The following TERF2 variants were observed in gnomAD, a reference collection of about 807,000 sequenced individuals.
TERF2 encodes the protein telomeric repeat-binding factor 2.
In TERF2, 16 loss-of-function variants were observed where a neutral mutation model predicts 56.1. That is an observed-to-expected ratio of 0.29 (90% confidence interval 0.19 to 0.43). The LOEUF is 0.43. Ranked by LOEUF, TERF2 falls within the 20% of genes least tolerant of loss-of-function variation. The pLI is 1.00. For synonymous variants in TERF2, 296 were observed against 282.1 expected (o/e 1.05, Z -0.50); for missense variants, 547 against 712.9 (o/e 0.77, Z 2.65).
At chr16:69,359,513 G>A (rs1301120853) in intron 8 of TERF2, among the ~76,000 whole-genome samples, 2 of 139,872 alleles carry the variant, frequency 1.4e-5, no homozygotes, top group Non-Finnish European at 3.1e-5. Context: ...GGGCAACAGA[G>A]CGAGACTCTG....
At chr16:69,383,877 C>T (rs576925639) in intron 3 of TERF2, among the ~76,000 whole-genome samples, 1 of 152,122 alleles carries the variant, frequency 6.6e-6, no homozygotes, top group Admixed American at 6.6e-5. Context: ...GCATCTGCTT[C>T]CACACCCCCC....
intron 3 of TERF2, 71 bp downstream of exon 3, chr16:69,384,509 G>A: frequency 2.0e-6 from 3 of 1,528,234 alleles, no homozygotes; most frequent in Non-Finnish European, 2.6e-6. Flanking sequence ...ACACAGTAAA[G>A]AGTAAGTGCT....
chr16:69,374,370 C>A (rs1013735109), intron 3 of TERF2, among the ~76,000 whole-genome samples: 1 of 152,036 alleles, frequency 6.6e-6, no homozygotes, highest in African/African-American at 2.4e-5. Flanking sequence ...TGGCTCATAA[C>A]TGTAATCCCA....
chr16:69,378,943 T>C (rs1416503531), intron 3 of TERF2, among the ~76,000 whole-genome samples: 4 of 143,020 alleles, frequency 2.8e-5, no homozygotes, highest in Admixed American at 2.7e-4. Flanking sequence ...TATGTATTAA[T>C]TTCCTGTGGG....
At chr16:69,385,173 GAGA>G (rs1379478954) in intron 2 of TERF2, among the ~76,000 whole-genome samples, 1 of 151,926 alleles carries the variant, frequency 6.6e-6, no homozygotes. Flanking sequence ...TAACAGGTGG[GAGA>G]AGATTTAAAA....
At chr16:69,382,975 G>T (rs1317011600) in intron 3 of TERF2, among the ~76,000 whole-genome samples, 1 of 152,164 alleles carries the variant, frequency 6.6e-6, no homozygotes, top group African/African-American at 2.4e-5. Flanking sequence ...CAGAGTCAAC[G>T]TAAGAAAATG....
intron 7 of TERF2, among the ~76,000 whole-genome samples, chr16:69,362,423 G>A (rs1228684933): frequency 6.6e-6 from 1 of 152,094 alleles, no homozygotes; most frequent in Non-Finnish European, 1.5e-5. Context: ...CTCGAAGGCG[G>A]GGGCCACATC....
In TERF2 at chr16:69,372,776, C is replaced by G. The variant is rs965065474; in HGVS notation, c.607-421G>C. 2.0e-5 allele frequency among the ~76,000 whole-genome samples: 3 copies of G among 152,138 alleles called. No individual in the cohort carries two copies. In the East Asian group the frequency reaches 5.8e-4, roughly 29 times the overall value. ...AAAACTCCATCTCAAAAAAAACAAA[C>G]AAACAATTATTGTTCAAGTGTTATG... On this transcript the variant is annotated intron_variant, in intron 3 of 9. Coordinates refer to ENST00000254942, the MANE Select transcript of TERF2 (RefSeq NM_005652.5).
chr16:69,357,407 A>G (rs1195232707), intron 9 of TERF2, 111 bp downstream of exon 9: 22 of 881,980 alleles, frequency 2.5e-5, no homozygotes, highest in South Asian at 2.3e-4. Flanking sequence ...GAAAATCTCA[A>G]AAAAAGGTTT....
chr16:69,378,789 G>C lies in TERF2; in HGVS notation c.606+5791C>G, dbSNP rs139393313. Among the ~76,000 whole-genome samples, 4 of 152,278 alleles carry C rather than the reference G, an allele frequency of 2.6e-5. No individual in the cohort carries two copies. In the East Asian group the frequency reaches 7.7e-4, roughly 29 times the overall value. On this transcript the variant is annotated intron_variant, in intron 3 of 9. Coordinates refer to ENST00000254942, the MANE Select transcript of TERF2 (RefSeq NM_005652.5). ...CATTAAGAGGGAGAGACAGAAGAGA[G>C]TATGTTTACTCTATGTTCTCCAGAA...
chr16:69,363,473 G>A (rs1033479441), intron 7 of TERF2, among the ~76,000 whole-genome samples: 6 of 152,120 alleles, frequency 3.9e-5, no homozygotes, highest in Non-Finnish European at 5.9e-5. Flanking sequence ...AGATCTGGCC[G>A]CTCCTCCTAA....
At chr16:69,374,496 C>T (rs2013695678) in intron 3 of TERF2, among the ~76,000 whole-genome samples, 2 of 151,414 alleles carry the variant, frequency 1.3e-5, no homozygotes, top group African/African-American at 4.9e-5. Flanking sequence ...GTGGCGTGTG[C>T]CTGTGGTCCT....
intron 2 of TERF2, 79 bp downstream of exon 2, chr16:69,385,312 A>G: frequency 8.3e-7 from 1 of 1,208,366 alleles, no homozygotes; most frequent in African/African-American, 1.5e-5. Context: ...TTAACCTGGA[A>G]TCCTTCAGTT....
At chr16:69,360,791 C>T (rs2013110587) in intron 8 of TERF2, among the ~76,000 whole-genome samples, 1 of 151,648 alleles carries the variant, frequency 6.6e-6, no homozygotes, top group African/African-American at 2.4e-5. Context: ...GGAATGACCC[C>T]CTACTACCAC....
intron 3 of TERF2, among the ~76,000 whole-genome samples, chr16:69,377,170 T>C: frequency 6.9e-6 from 1 of 144,376 alleles, no homozygotes; most frequent in Admixed American, 7.0e-5. Flanking sequence ...GCCACTGCAC[T>C]CCAGCCTGGG....
chr16:69,369,310 G>A lies in TERF2; in HGVS notation c.841-828C>T, dbSNP rs140937226. On this transcript the variant is annotated intron_variant, in intron 5 of 9. Transcript: ENST00000254942. ...TATGGGCCTGGCAGATCTGTTACGA[G>A]ACAGAATATTTTCCACATTCTCAAA... is the stretch of plus-strand genomic sequence containing the variant. 1.4e-4 allele frequency among the ~76,000 whole-genome samples: 21 copies of A among 152,242 alleles called. No homozygotes were observed. The East Asian group carries it at 3.5e-3, about 25-fold the overall frequency.
intron 3 of TERF2, among the ~76,000 whole-genome samples, chr16:69,380,968 AT>A (rs1235189926): frequency 2.0e-5 from 3 of 150,806 alleles, no homozygotes; most frequent in Admixed American, 2.0e-4. Context: ...CGCCTGGCTA[AT>A]TTTTTTTGTA....
chr16:69,367,276 G>A, intron 6 of TERF2, 77 bp from the exon 7 acceptor site: 1 of 1,477,700 alleles, frequency 6.8e-7, no homozygotes, highest in Non-Finnish European at 9.0e-7. Flanking sequence ...CTTTTTTGAA[G>A]TTTGAAGCTT....
intron 7 of TERF2, chr16:69,366,457 A>C: frequency 4.0e-6 from 1 of 248,414 alleles, no homozygotes; most frequent in East Asian, 8.3e-5. Flanking sequence ...GGGTCAAAGT[A>C]TAATGTGGCC....
Sources: gnomAD v4.1 joint callset for allele counts (sites outside exome capture counted in the v4.1 genomes callset) on GRCh38, gnomAD v4.1.1 for gene constraint, MANE v1.5 for transcripts, NCBI Gene and HGNC (gene_info 2026-07-23, HGNC 2026-07-21) for gene names.